ZNF490: variants seen among roughly 807,000 people sequenced by gnomAD.
ZNF490 encodes zinc finger protein 490.
In ZNF490, 11 loss-of-function variants were observed where a neutral mutation model predicts 17.7. The ratio of observed to expected loss-of-function variants is 0.62; its 90% CI spans 0.39 to 1.03. The LOEUF (loss-of-function observed/expected upper bound fraction) is 1.03, where lower values mean the gene tolerates loss of function less well. Among genes scored for constraint, ZNF490 ranks in the 50% least tolerant of loss-of-function variants. The probability of loss-of-function intolerance (pLI) is 0.00; values close to 1 mark genes in which losing one functional copy is unlikely to be tolerated. For missense variants in ZNF490, 542 were observed against 643.4 expected, an observed-to-expected ratio of 0.84 and a Z score of 1.71; for synonymous variants, 222 against 216.1, an observed-to-expected ratio of 1.03 and a Z score of -0.24.
chr19:12,582,895 TC>T lies in ZNF490; in HGVS notation c.304del (p.Asp102ThrfsTer15). On this transcript the variant is annotated frameshift_variant, in exon 4 of 5. Transcript: ENST00000311437. LOFTEE classifies it low-confidence loss of function (END_TRUNC). ...NLACIGEKWKDQDIEDEHKNQ... is the reference protein window; with the variant it reads ...NLACIGEKWKXQDIEDEHKNQ... ...TTTGTGTTCATCTTCAATATCCTGGTCTTTCCATTTTTCCCCTAAAATACAA... is the reference window on the plus strand; with the variant it reads ...TTTGTGTTCATCTTCAATATCCTGGTTTTCCATTTTTCCCCTAAAATACAA... The T allele has an allele frequency of 6.2e-7, 1 of 1,612,382 alleles. No individual in the cohort carries two copies.
At chr19:12,597,633 C>T (rs1053041588) in intron 2 of ZNF490, among the ~76,000 whole-genome samples, 1 of 152,322 alleles carries the variant, frequency 6.6e-6, no homozygotes, top group South Asian at 2.1e-4. Context: ...CCCCTGACAC[C>T]TACTATTCGA....
intron 2 of ZNF490, among the ~76,000 whole-genome samples, chr19:12,603,930 T>C (rs1421285668): frequency 1.3e-5 from 2 of 151,452 alleles, no homozygotes; most frequent in African/African-American, 2.4e-5. Flanking sequence ...AATGGGGTGA[T>C]TTTTGGAAAG....
intron 1 of ZNF490, chr19:12,610,048 C>T (rs2023126641): frequency 4.7e-6 from 2 of 429,342 alleles, no homozygotes; most frequent in Admixed American, 5.5e-5. Flanking sequence ...AAAAAAACAA[C>T]GAAAACAAAC....
In ZNF490 at chr19:12,582,897, T is replaced by C. The variant is rs1357972598; in HGVS notation, c.303A>G (p.Lys101=). ...KNLACIGEKW[K]DQDIEDEHKN... The stretch of plus-strand genomic sequence containing the variant: ...TGTGTTCATCTTCAATATCCTGGTC[T>C]TTCCATTTTTCCCCTAAAATACAAG... Residue 101 remains lysine (K), a synonymous_variant, in exon 4 of 5, where the codon AAA becomes AAG. Coordinates refer to ENST00000311437, the MANE Select transcript of ZNF490 (RefSeq NM_020714.3). 3 of 1,611,940 alleles carry C rather than the reference T, an allele frequency of 1.9e-6. No homozygotes were observed. Among genetic ancestry groups the C allele is most frequent in the East Asian group, 4.5e-5 (2 of 44,862 alleles).
rs2022675027 is a variant in ZNF490, at chr19:12,578,496, A to G, written c.*1989T>C. The G allele has an allele frequency of 1.0e-6, 1 of 985,334 alleles. No individual in the cohort carries two copies. Among genetic ancestry groups the G allele is most frequent in the Admixed American group, 6.2e-5 (1 of 16,254 alleles). The allele number at this position is 985,334 out of a possible 1,614,324, so 61.0% of individuals were successfully genotyped here. A position where few individuals can be genotyped will look rare whatever the true frequency, so the allele number is the denominator to read the frequency against. On this transcript the variant is annotated 3_prime_UTR_variant, in exon 5 of 5. Transcript: ENST00000311437. ...AGAGAAATTCAGATGTGAATGTTTA[A>G]ACAAGTGTCCAAAGTGTAGGTTTGA...
intron 2 of ZNF490, among the ~76,000 whole-genome samples, chr19:12,605,108 G>C (rs556535656): frequency 6.6e-6 from 1 of 152,054 alleles, no homozygotes; most frequent in Non-Finnish European, 1.5e-5. Flanking sequence ...AGCCAAGATC[G>C]TGCTGCTACA....
intron 1 of ZNF490, among the ~76,000 whole-genome samples, 164 bp downstream of exon 1, chr19:12,610,400 G>A (rs2023133306): frequency 6.6e-6 from 1 of 151,130 alleles, no homozygotes; most frequent in South Asian, 2.1e-4. Context: ...AGTGCCAAAT[G>A]TGTGGAGGTG....
rs770785607 is a variant in ZNF490, at chr19:12,609,206, A to T, written c.118-4T>A. ...CATGGTGTTCACTGTTCTGCATCTA[A>T]TTAGAAACAAGAGGATGCATTTTGT... On this transcript the variant is annotated splice_region_variant and splice_polypyrimidine_tract_variant and intron_variant, in intron 1 of 4. Coordinates refer to ENST00000311437, the MANE Select transcript of ZNF490 (RefSeq NM_020714.3). The T allele has an allele frequency of 1.9e-6, 3 of 1,613,890 alleles. No individual in the cohort carries two copies. The Admixed American group carries it at 5.0e-5, about 27-fold the overall frequency.
chr19:12,600,088 C>T (rs779870825), intron 2 of ZNF490, among the ~76,000 whole-genome samples: 8 of 151,980 alleles, frequency 5.3e-5, no homozygotes, highest in Non-Finnish European at 7.4e-5. Context: ...TTAGGCCAGG[C>T]GCCGTGGCTC....
intron 2 of ZNF490, among the ~76,000 whole-genome samples, chr19:12,603,044 C>T (rs2023025714): frequency 6.6e-6 from 1 of 152,136 alleles, no homozygotes; most frequent in African/African-American, 2.4e-5. Flanking sequence ...TTGAATCAAA[C>T]TGCAGAGAGA....
chr19:12,580,781 G>C lies in ZNF490; in HGVS notation c.1294C>G (p.His432Asp). 1.2e-6 allele frequency: 2 copies of C among 1,614,178 alleles called. No homozygotes were observed. Among genetic ancestry groups the C allele is most frequent in the Non-Finnish European group, 1.7e-6 (2 of 1,180,042 alleles). ...TGGGTTCTTTCATGGATTCGAAAGTGAGTGGAATAAAGAAAGGCTTTACCA... is the reference window on the plus strand; with the variant it reads ...TGGGTTCTTTCATGGATTCGAAAGTCAGTGGAATAAAGAAAGGCTTTACCA... ...ECGKAFLYST[H>D]FRIHERTHTR... is the part of the protein sequence containing the mutation. Residue 432 changes from histidine (H) to aspartate (D), a missense_variant, in exon 5 of 5, where the codon CAC (histidine) becomes GAC (aspartate). Transcript: ENST00000311437.
rs1306021247 is a variant in ZNF490, at chr19:12,599,067, G to T, written c.162+10091C>A. On this transcript the variant is annotated intron_variant, in intron 2 of 4. Transcript: ENST00000311437. ...TTCTGGAGGCTGAGGCAGGAGAATCGCTTGAACCTGGGCAGTGACCCAAGA... is the reference window on the plus strand; with the variant it reads ...TTCTGGAGGCTGAGGCAGGAGAATCTCTTGAACCTGGGCAGTGACCCAAGA... Among the ~76,000 whole-genome samples the T allele has an allele frequency of 2.9e-5, 4 of 138,942 alleles. No individual in the cohort carries two copies. In the Admixed American group the frequency reaches 3.1e-4, roughly 11 times the overall value. The allele number at this position is 138,942 out of a possible 152,430, so 91.2% of individuals were successfully genotyped here.
intron 1 of ZNF490, 27 bp downstream of exon 1, chr19:12,610,537 T>C (rs1296862841): frequency 1.3e-6 from 2 of 1,577,366 alleles, no homozygotes; most frequent in Non-Finnish European, 1.7e-6. Context: ...CGAGAGGCCT[T>C]ACAACATTAT....
rs59119550 is a variant in ZNF490, at chr19:12,581,915, TA to T, written c.351-192del. 9.6e-3 allele frequency among the ~76,000 whole-genome samples: 1,455 copies of T among 151,890 alleles called. 20 individuals are homozygous for T. Among genetic ancestry groups the T allele is most frequent in the African/African-American group, 0.032 (1,346 of 41,432 alleles). ...TGACCATAGCTATTATCAAAATAGTTAAAAAAAAATTATTATTATTATTTTT... is the reference window on the plus strand; with the variant it reads ...TGACCATAGCTATTATCAAAATAGTTAAAAAAAATTATTATTATTATTTTT... On this transcript the variant is annotated intron_variant, in intron 4 of 4. Transcript: ENST00000311437.
chr19:12,597,735 A>G (rs1253100462), intron 2 of ZNF490, among the ~76,000 whole-genome samples: 2 of 152,130 alleles, frequency 1.3e-5, no homozygotes, highest in Non-Finnish European at 2.9e-5. Flanking sequence ...TTCACTTAGC[A>G]TAATGTCCTC....
At chr19:12,582,558 C>A (rs1355836693) in intron 4 of ZNF490, among the ~76,000 whole-genome samples, 1 of 152,036 alleles carries the variant, frequency 6.6e-6, no homozygotes, top group Non-Finnish European at 1.5e-5. Flanking sequence ...CCACGCCCGG[C>A]TAATTTTTTG....
At chr19:12,605,524 A>C (rs2023057494) in intron 2 of ZNF490, among the ~76,000 whole-genome samples, 1 of 152,078 alleles carries the variant, frequency 6.6e-6, no homozygotes, top group Non-Finnish European at 1.5e-5. Flanking sequence ...GGTGAATGTA[A>C]GTAAAGTGTT....
Position 12,610,770 on chromosome 19 carries a change from G to T in ZNF490, c.-90C>A, listed in dbSNP as rs551685611. Reference sequence around the variant, plus strand: ...TTTCTGCTTCAACACAATTGTCCACGGAGGGCACCAGTTCCGTCCCACCGG... The same window carrying T: ...TTTCTGCTTCAACACAATTGTCCACTGAGGGCACCAGTTCCGTCCCACCGG... On this transcript the variant is annotated 5_prime_UTR_variant, in exon 1 of 5. Coordinates refer to ENST00000311437, the MANE Select transcript of ZNF490 (RefSeq NM_020714.3). 3.0e-5 allele frequency: 40 copies of T among 1,325,100 alleles called. No individual in the cohort carries two copies. In the South Asian group the frequency reaches 4.1e-4, roughly 14 times the overall value. 82.1% of individuals were successfully genotyped at this position (1,325,100 alleles called of 1,614,324 possible).
chr19:12,594,786 C>T (rs1268067158), intron 2 of ZNF490, among the ~76,000 whole-genome samples: 1 of 152,194 alleles, frequency 6.6e-6, no homozygotes, highest in African/African-American at 2.4e-5. Context: ...GAGAGTCTGT[C>T]TCAGCACTCC....
Sources: allele counts gnomAD v4.1 joint callset (sites outside exome capture counted in the v4.1 genomes callset), GRCh38; gene constraint gnomAD v4.1.1; transcripts MANE v1.5; gene names NCBI Gene and HGNC (gene_info 2026-07-23, HGNC 2026-07-21).